TMPRSS5: variants seen among roughly 807,000 people sequenced by gnomAD.
TMPRSS5 encodes the protein transmembrane protease serine 5.
In TMPRSS5, 45 loss-of-function variants were observed where a neutral mutation model predicts 59.7. That is an observed-to-expected ratio of 0.75 (90% confidence interval 0.59 to 0.97). The LOEUF is 0.97. TMPRSS5 is among the 50% of genes least tolerant of loss of function. The pLI is 0.00. For synonymous variants in TMPRSS5, 225 were observed against 232.0 expected (o/e 0.97, Z 0.27); for missense variants, 585 against 596.7 (o/e 0.98, Z 0.20).
Position 113,693,032 on chromosome 11 carries a change from ATAGTCTCCAGCCTGCCCACCCT to A in TMPRSS5, c.964+17_964+38del. The A allele has an allele frequency of 1.0e-6, 1 of 1,002,886 alleles. No homozygotes were observed. 62.1% of individuals were successfully genotyped at this position (1,002,886 alleles called of 1,614,324 possible). ...CACCCAGCCCCCGCCCTCTCTCGCC[ATAGTCTCCAGCCTGCCCACCCT>A]CAAGCCAGTGCCGCACCTGAGAAGT... is the stretch of plus-strand genomic sequence containing the variant. On this transcript the variant is annotated intron_variant, in intron 9 of 12. Transcript: ENST00000299882.
intron 1 of TMPRSS5, among the ~76,000 whole-genome samples, chr11:113,705,265 T>C (rs1257272261): frequency 6.6e-6 from 1 of 152,160 alleles, no homozygotes; most frequent in African/African-American, 2.4e-5. Context: ...CACTGAACTG[T>C]CTTCCTAACC....
intron 1 of TMPRSS5, among the ~76,000 whole-genome samples, chr11:113,705,601 G>A (rs758416179): frequency 4.6e-5 from 7 of 152,216 alleles, no homozygotes; most frequent in Non-Finnish European, 8.8e-5. Flanking sequence ...CACAGGCAGT[G>A]AGGCTGCAGG....
intron 5 of TMPRSS5, 129 bp from the exon 6 acceptor site, chr11:113,697,100 T>A: frequency 8.4e-7 from 1 of 1,197,130 alleles, no homozygotes; most frequent in Non-Finnish European, 1.2e-6. Context: ...TAAAAAGCAG[T>A]AATACTCCAA....
chr11:113,697,891 A>G lies in TMPRSS5; in HGVS notation c.329-473T>C, dbSNP rs183076488. Among the ~76,000 whole-genome samples, 329 of 152,176 alleles carry G rather than the reference A, an allele frequency of 2.2e-3. 1 individual carries two copies. Among genetic ancestry groups the G allele is most frequent in the African/African-American group, 7.7e-3 (321 of 41,518 alleles). On this transcript the variant is annotated intron_variant, in intron 4 of 12. Transcript: ENST00000299882. ...GGACTGACTCATGTCCCCGCCCCCAAACACACACACACAAATTCATATGTT... is the reference window on the plus strand; with the variant it reads ...GGACTGACTCATGTCCCCGCCCCCAGACACACACACACAAATTCATATGTT...
At chr11:113,702,456 A>G (rs1156547580) in intron 1 of TMPRSS5, among the ~76,000 whole-genome samples, 1 of 152,208 alleles carries the variant, frequency 6.6e-6, no homozygotes, top group Non-Finnish European at 1.5e-5. Context: ...GAGAGCATAA[A>G]AGGTTGGAAA....
intron 1 of TMPRSS5, among the ~76,000 whole-genome samples, chr11:113,703,252 T>C (rs969058521): frequency 1.1e-4 from 16 of 152,260 alleles, no homozygotes; most frequent in Admixed American, 8.5e-4. Flanking sequence ...GGAGATCATT[T>C]TGGAACTTTA....
rs1347648579 is a variant in TMPRSS5, at chr11:113,694,417, C to T, written c.785+61G>A. ...ACACGAACATTTGATACAGGACATA[C>T]CAACAGCCGAACAGAAAGGGCAACT... is the stretch of plus-strand genomic sequence containing the variant. On this transcript the variant is annotated intron_variant, in intron 8 of 12. Transcript: ENST00000299882. The T allele has an allele frequency of 1.7e-5, 26 of 1,530,470 alleles. No homozygotes were observed. In the South Asian group the frequency reaches 2.5e-4, roughly 15 times the overall value. The allele number at this position is 1,530,470 out of a possible 1,614,324, so 94.8% of individuals were successfully genotyped here. A position where few individuals can be genotyped will look rare whatever the true frequency, so the allele number is the denominator to read the frequency against.
chr11:113,694,479 T>A lies in TMPRSS5; in HGVS notation c.784A>T (p.Ser262Cys). 1 of 1,561,930 alleles carries A rather than the reference T, an allele frequency of 6.4e-7. No homozygotes were observed. Among genetic ancestry groups the A allele is most frequent in the Non-Finnish European group, 8.7e-7 (1 of 1,152,536 alleles). Residue 262 changes from serine (S) to cysteine (C), a missense_variant and splice_region_variant, in exon 8 of 13, where the codon AGT becomes TGT. Physicochemically the swap from Ser to Cys is moderately radical, Grantham distance 112. Transcript: ENST00000299882. ...TCCTCAGCAGCCACAGAGACTTGCC[T>A]GTGCATACAATGTGCAGCAGTCACC... ...WVVTAAHCMH[S>C]FRLARLSSWR...
chr11:113,694,717 G>C (rs184708609), intron 7 of TMPRSS5, 77 bp from the exon 8 acceptor site: 1 of 1,397,828 alleles, frequency 7.2e-7, no homozygotes, highest in East Asian at 2.5e-5. Context: ...AGGAAGCGTG[G>C]CCCAGTGCTA....
chr11:113,690,174 C>CGG, intron 11 of TMPRSS5, 57 bp downstream of exon 11: 2 of 770,516 alleles, frequency 2.6e-6, no homozygotes, highest in Non-Finnish European at 2.1e-6. Flanking sequence ...AGCAGGCCCC[C>CGG]TGCCCTCCCA....
chr11:113,699,971 T>G (rs1172475503), intron 2 of TMPRSS5, 95 bp downstream of exon 2: 16 of 1,546,148 alleles, frequency 1.0e-5, no homozygotes, highest in Admixed American at 5.9e-5. Context: ...CCATCAATCA[T>G]GTGGGGCTGA....
Position 113,697,426 on chromosome 11 carries a change from C to A in TMPRSS5, c.329-8G>T. ...TGTTTATTCTGAAAGATACTGAAAT[C>A]ACAGCATGAAAACCACATGGGAGAG... On this transcript the variant is annotated splice_region_variant and splice_polypyrimidine_tract_variant and intron_variant, in intron 4 of 12. Transcript: ENST00000299882. The A allele has an allele frequency of 6.2e-7, 1 of 1,613,332 alleles. No individual in the cohort carries two copies. The highest frequency in any genetic ancestry group is 8.5e-7 in the Non-Finnish European group (1 of 1,179,450).
chr11:113,700,235 A>G, intron 1 of TMPRSS5, 67 bp from the exon 2 acceptor site: 3 of 1,358,560 alleles, frequency 2.2e-6, no homozygotes, highest in Non-Finnish European at 3.0e-6. Flanking sequence ...GTCACAGCCC[A>G]GTCCAAGTCC....
rs1952656554 is a variant in TMPRSS5 at position 113,688,135 on chromosome 11, C to T, written c.*125G>A. The T allele has an allele frequency of 2.2e-6, 3 of 1,390,350 alleles. No homozygotes were observed. The highest frequency in any genetic ancestry group is 1.9e-6 in the Non-Finnish European group (2 of 1,065,636). 86.1% of individuals were successfully genotyped at this position (1,390,350 alleles called of 1,614,324 possible). ...GTGGGTAGTGACTGTTCCTCACACA[C>T]AGTAGTAGGAGGTCCATGCGTTCTG... On this transcript the variant is annotated 3_prime_UTR_variant, in exon 13 of 13. Coordinates refer to ENST00000299882, the MANE Select transcript of TMPRSS5 (RefSeq NM_030770.4).
intron 12 of TMPRSS5, 43 bp downstream of exon 12, chr11:113,689,722 T>C (rs780114524): frequency 6.3e-7 from 1 of 1,580,968 alleles, no homozygotes; most frequent in Admixed American, 1.8e-5. Context: ...CGAGGGCAGG[T>C]CCTTTAGAAA....
chr11:113,698,828 G>A (rs1591384651), intron 4 of TMPRSS5, 77 bp downstream of exon 4: 5 of 1,516,082 alleles, frequency 3.3e-6, no homozygotes, highest in East Asian at 4.9e-5. Flanking sequence ...TGGCCCTTCA[G>A]TGTCGGTTCT....
Position 113,689,802 on chromosome 11 carries a change from A to T in TMPRSS5, c.1322T>A (p.Val441Glu), listed in dbSNP as rs1952709058. Residue 441 changes from valine to glutamate, a missense_variant, in exon 12 of 13, where the codon GTA becomes GAA. By Grantham distance (121) the Val-to-Glu change is moderately radical. Coordinates refer to ENST00000299882, the MANE Select transcript of TMPRSS5 (RefSeq NM_030770.4). ...EPNHPGVYAKVAEFLDWIHDT... is the reference protein window; with the variant it reads ...EPNHPGVYAKEAEFLDWIHDT... ...ATGGATCCAGTCCAGAAACTCAGCT[A>T]CCTTGGCGTAGACACCTGGGTGATT... is the stretch of plus-strand genomic sequence containing the variant. 1 of 1,608,620 alleles carries T rather than the reference A, an allele frequency of 6.2e-7. No individual in the cohort carries two copies. Among genetic ancestry groups the T allele is most frequent in the Non-Finnish European group, 8.5e-7 (1 of 1,177,764 alleles).
intron 1 of TMPRSS5, 39 bp from the exon 2 acceptor site, chr11:113,700,207 C>T (rs1222839044): frequency 2.0e-6 from 3 of 1,476,076 alleles, no homozygotes; most frequent in Non-Finnish European, 2.7e-6. Flanking sequence ...ATCCCCACAT[C>T]AAGGACTGCT....
chr11:113,695,015 G>A (rs755920061), intron 7 of TMPRSS5, among the ~76,000 whole-genome samples: 7 of 152,048 alleles, frequency 4.6e-5, no homozygotes, highest in African/African-American at 9.7e-5. Context: ...ATTGCTTCCC[G>A]TTTGGTACCT....
Sources: gnomAD v4.1 joint callset for allele counts (sites outside exome capture counted in the v4.1 genomes callset) on GRCh38, gnomAD v4.1.1 for gene constraint, MANE v1.5 for transcripts, NCBI Gene and HGNC (gene_info 2026-07-23, HGNC 2026-07-21) for gene names.